Variants in SPTLC2 observed in about 807,000 individuals in gnomAD.
SPTLC2 encodes serine palmitoyltransferase long chain base subunit 2.
In SPTLC2, 21 loss-of-function variants were observed where a neutral mutation model predicts 62.0. The observed-to-expected ratio is 0.34, with a 90% CI of 0.24 to 0.49. The LOEUF (loss-of-function observed/expected upper bound fraction) is 0.49. SPTLC2 is among the 20% of genes least tolerant of loss of function. The pLI is 0.99. For synonymous variants in SPTLC2, 261 were observed against 261.8 expected, an observed-to-expected ratio of 1.00 and a Z score of 0.03; for missense variants, 511 against 713.0, an observed-to-expected ratio of 0.72 and a Z score of 3.23.
chr14:77,615,288 A>G (rs2079960411), intron 1 of SPTLC2, among the ~76,000 whole-genome samples: 1 of 152,192 alleles, frequency 6.6e-6, no homozygotes, highest in Non-Finnish European at 1.5e-5. Context: ...TTTTCCCCTC[A>G]ACTCAGTCTC....
intron 2 of SPTLC2, among the ~76,000 whole-genome samples, chr14:77,585,332 A>G (rs761819861): frequency 6.6e-6 from 1 of 152,228 alleles, no homozygotes; most frequent in Non-Finnish European, 1.5e-5. Context: ...TCCAAGTCAC[A>G]TAACAATGCA....
At chr14:77,530,333 T>C (rs2079432013) in intron 9 of SPTLC2, among the ~76,000 whole-genome samples, 1 of 151,842 alleles carries the variant, frequency 6.6e-6, no homozygotes, top group South Asian at 2.1e-4. Context: ...AAAAAATATT[T>C]ATTTATTTAT....
In SPTLC2 at chr14:77,521,547, G is replaced by C; in HGVS notation, c.1338C>G (p.Thr446=). 6.2e-7 allele frequency: 1 copy of C among 1,613,872 alleles called. No individual in the cohort carries two copies. Among genetic ancestry groups the C allele is most frequent in the Non-Finnish European group, 8.5e-7 (1 of 1,179,882 alleles). ...KECVQQLAEN[T]RYFRRRLKEM... ...CTTTCAGGCGTCTCCTGAAATACCT[G>C]GTGTTTTCAGCTAACTGTTGTACAC... The change falls in exon 10 of 12, where the codon ACC becomes ACG. Residue 446 remains threonine, a synonymous_variant. Transcript: ENST00000216484.
intron 10 of SPTLC2, among the ~76,000 whole-genome samples, chr14:77,520,575 G>A (rs2079380579): frequency 6.6e-6 from 1 of 152,158 alleles, no homozygotes; most frequent in African/African-American, 2.4e-5. Flanking sequence ...TACTAAGCAG[G>A]TCACTCCTTT....
intron 9 of SPTLC2, 30 bp from the exon 10 acceptor site, chr14:77,521,611 T>C (rs2079385185): frequency 1.9e-6 from 3 of 1,602,912 alleles, no homozygotes; most frequent in Non-Finnish European, 2.6e-6. Context: ...GAAAACAAAA[T>C]AATCCTAAGT....
chr14:77,567,138 T>C (rs2079649872), intron 5 of SPTLC2, among the ~76,000 whole-genome samples: 1 of 151,686 alleles, frequency 6.6e-6, no homozygotes, highest in Non-Finnish European at 1.5e-5. Context: ...GCCCGGCTAA[T>C]TTGTTGTATT....
intron 6 of SPTLC2, among the ~76,000 whole-genome samples, chr14:77,558,121 CACTGA>C (rs1239162089): frequency 2.6e-5 from 4 of 151,600 alleles, no homozygotes; most frequent in Non-Finnish European, 1.5e-5. Context: ...GATCTCTCCT[CACTGA>C]GGCCTCCACC....
At chr14:77,532,371 T>C (rs548299044) in intron 9 of SPTLC2, among the ~76,000 whole-genome samples, 29 of 152,324 alleles carry the variant, frequency 1.9e-4, no homozygotes, top group Non-Finnish European at 3.2e-4. Context: ...TGCATTTGCT[T>C]TAATTCTCAT....
intron 6 of SPTLC2, among the ~76,000 whole-genome samples, chr14:77,557,982 C>A (rs573584620): frequency 1.3e-5 from 2 of 152,126 alleles, no homozygotes. Flanking sequence ...AAAAAAAACT[C>A]CCCCAAATTT....
chr14:77,529,434 C>G (rs182993657), intron 9 of SPTLC2, among the ~76,000 whole-genome samples: 6 of 151,674 alleles, frequency 4.0e-5, no homozygotes, highest in East Asian at 3.9e-4. Context: ...AGACCTCTTA[C>G]ACAAGTGTTT....
At chr14:77,531,444 C>CT (rs201023535) in intron 9 of SPTLC2, among the ~76,000 whole-genome samples, 40 of 130,166 alleles carry the variant, frequency 3.1e-4, no homozygotes, top group African/African-American at 1.0e-3. Flanking sequence ...TCTTCTTCTT[C>CT]TCCTCCTTCT....
chr14:77,531,109 C>T (rs2079436241), intron 9 of SPTLC2, among the ~76,000 whole-genome samples: 5 of 152,032 alleles, frequency 3.3e-5, no homozygotes. Flanking sequence ...TCTAGGATTT[C>T]TGCCATCCTG....
intron 11 of SPTLC2, among the ~76,000 whole-genome samples, chr14:77,516,217 A>C (rs944552262): frequency 3.3e-5 from 5 of 152,234 alleles, no homozygotes; most frequent in African/African-American, 1.2e-4. Context: ...ATGGGAGGCA[A>C]AGCCCAACAA....
chr14:77,529,048 G>C (rs1389693111), intron 9 of SPTLC2, among the ~76,000 whole-genome samples: 1 of 152,012 alleles, frequency 6.6e-6, no homozygotes, highest in Non-Finnish European at 1.5e-5. Context: ...ATGTTGGCCA[G>C]GCTGGTCTTG....
chr14:77,543,826 G>T (rs1003892201), intron 9 of SPTLC2, among the ~76,000 whole-genome samples: 1 of 152,056 alleles, frequency 6.6e-6, no homozygotes, highest in African/African-American at 2.4e-5. Context: ...CAGCATCCCA[G>T]GCATTTAGAG....
chr14:77,513,695 A>C (rs973946673), intron 11 of SPTLC2, among the ~76,000 whole-genome samples: 1 of 152,110 alleles, frequency 6.6e-6, no homozygotes, highest in Non-Finnish European at 1.5e-5. Context: ...CGGGAGTTTG[A>C]GATCAGCCTG....
chr14:77,565,022 C>T (rs1211340068), intron 5 of SPTLC2, among the ~76,000 whole-genome samples: 4 of 151,704 alleles, frequency 2.6e-5, no homozygotes, highest in African/African-American at 9.7e-5. Flanking sequence ...GCTGGATCAC[C>T]TGAGGTCAGG....
chr14:77,541,640 T>G (rs1224726068), intron 9 of SPTLC2, among the ~76,000 whole-genome samples: 1 of 152,226 alleles, frequency 6.6e-6, no homozygotes, highest in Non-Finnish European at 1.5e-5. Context: ...TCACTTTCTT[T>G]GAACAGCTCT....
intron 9 of SPTLC2, chr14:77,535,928 TA>T (rs1226107746): frequency 4.4e-6 from 2 of 454,870 alleles, no homozygotes; most frequent in South Asian, 3.1e-5. Context: ...CACTGGTGAC[TA>T]AATACAGGGG....
Sources: gnomAD v4.1 joint callset for allele counts (sites outside exome capture counted in the v4.1 genomes callset) on GRCh38, gnomAD v4.1.1 for gene constraint, MANE v1.5 for transcripts, NCBI Gene and HGNC (gene_info 2026-07-23, HGNC 2026-07-21) for gene names.